The following MRGPRX3 variants were observed in gnomAD, a reference collection of about 807,000 sequenced individuals.
MRGPRX3 encodes the protein mas-related G protein-coupled receptor member X3.
A neutral mutation model predicts 16.5 loss-of-function variants in MRGPRX3; 14 were observed. That is an observed-to-expected ratio of 0.85 (90% CI 0.56 to 1.33). The LOEUF is 1.33. Ranked by LOEUF, MRGPRX3 falls within the 40% of genes most tolerant of loss-of-function variation. The pLI is 0.00. For synonymous variants in MRGPRX3, 199 were observed against 180.1 expected (o/e 1.10, Z -0.84); for missense variants, 449 against 413.0 (o/e 1.09, Z -0.76).
upstream of MRGPRX3, among the ~76,000 whole-genome samples, chr11:18,127,885 TC>T (rs200137830): frequency 9.6e-3 from 1,456 of 152,344 alleles, 30 homozygotes; most frequent in African/African-American, 0.033. Context: ...CTCTGTTTTT[TC>T]CCCATCTTTG....
intron 1 of MRGPRX3, among the ~76,000 whole-genome samples, chr11:18,124,547 C>T (rs575020207): frequency 6.6e-6 from 1 of 152,282 alleles, no homozygotes; most frequent in African/African-American, 2.4e-5. Flanking sequence ...CCCACTTGAT[C>T]ATGGTGAGTA....
intron 1 of MRGPRX3, among the ~76,000 whole-genome samples, chr11:18,136,368 G>A (rs1849007669): frequency 6.6e-6 from 1 of 152,152 alleles, no homozygotes; most frequent in African/African-American, 2.4e-5. Context: ...GCCACACTGA[G>A]TCCTTATTTT....
rs757642470 is a variant in MRGPRX3, at chr11:18,137,605, C to G, written c.403C>G (p.Pro135Ala). 3 of 1,614,186 alleles carry G rather than the reference C, an allele frequency of 1.9e-6. No individual in the cohort carries two copies. In the South Asian group the frequency reaches 3.3e-5, roughly 18 times the overall value. ...GCCCATCTGGTACCACTGCCGCCGC[C>G]CCAGATACCTGTCATCAGTCATGTG... is the stretch of plus-strand genomic sequence containing the variant. ...LWPIWYHCRR[P>A]RYLSSVMCVL... The change falls in exon 2 of 2, where the codon CCC (proline) becomes GCC (alanine). Residue 135 changes from proline (P) to alanine (A), a missense_variant. Transcript: ENST00000621697.
At chr11:18,124,287 C>T (rs1203321409) in intron 1 of MRGPRX3, among the ~76,000 whole-genome samples, 1 of 152,154 alleles carries the variant, frequency 6.6e-6, no homozygotes, top group Non-Finnish European at 1.5e-5. Context: ...GGGAAAGCTT[C>T]CAGTTTTTGC....
intron 1 of MRGPRX3, among the ~76,000 whole-genome samples, chr11:18,127,094 T>C (rs1009259467): frequency 2.0e-5 from 3 of 152,222 alleles, no homozygotes; most frequent in South Asian, 2.1e-4. Flanking sequence ...TGTTGAATAT[T>C]GGCCCCCACT....
intron 1 of MRGPRX3, among the ~76,000 whole-genome samples, chr11:18,122,103 A>G (rs1848845854): frequency 6.7e-6 from 1 of 149,092 alleles, no homozygotes; most frequent in African/African-American, 2.4e-5. Context: ...TTATGATGCA[A>G]AAAAAACTGC....
chr11:18,137,021 AC>A (rs1160801761), intron 1 of MRGPRX3, among the ~76,000 whole-genome samples, 156 bp from the exon 2 acceptor site: 2 of 152,130 alleles, frequency 1.3e-5, no homozygotes, highest in East Asian at 1.9e-4. Flanking sequence ...TGGATTTCAA[AC>A]TGGATTTGAG....
rs78408237 is a variant in MRGPRX3, at chr11:18,138,122, G to A, written c.920G>A (p.Trp307Ter). The A allele has an allele frequency of 0.069, 111,341 of 1,613,780 alleles. 4,346 individuals are homozygous for A. Among genetic ancestry groups the A allele is most frequent in the Middle Eastern group, 0.11 (642 of 6,058 alleles). The change falls in exon 2 of 2, where the codon TGG (tryptophan) becomes TAG (stop). Residue 307 changes from tryptophan (W) to a stop codon, truncating the protein, a stop_gained. Transcript: ENST00000621697. LOFTEE classifies it high-confidence loss of function. ...CCTGAGGTGGATGAAGGTGGAGGGT[G>A]GCTTCCTCAGGAAACCCTGGAGCTG... The part of the protein sequence containing the change: ...DTPEVDEGGG[W>*]LPQETLELSG...
chr11:18,137,497 A>C lies in MRGPRX3; in HGVS notation c.295A>C (p.Ser99Arg). The C allele has an allele frequency of 6.2e-7, 1 of 1,613,942 alleles. No individual in the cohort carries two copies. The highest frequency in any genetic ancestry group is 1.1e-5 in the South Asian group (1 of 91,064). ...NIRHPISKIL[S>R]PVMTFPYFIG... ...CCGCCATCCCATCTCCAAAATCCTC[A>C]GTCCTGTGATGACCTTTCCCTACTT... Residue 99 changes from serine (S) to arginine (R), a missense_variant, in exon 2 of 2, where the codon AGT (serine) becomes CGT (arginine). Transcript: ENST00000621697.
At chr11:18,136,085 A>C (rs1849005257) in intron 1 of MRGPRX3, among the ~76,000 whole-genome samples, 1 of 151,956 alleles carries the variant, frequency 6.6e-6, no homozygotes. Context: ...TCCTATTTCC[A>C]CTCATGGACT....
upstream of MRGPRX3, among the ~76,000 whole-genome samples, chr11:18,128,428 A>G (rs1053073848): frequency 3.9e-5 from 6 of 152,230 alleles, no homozygotes; most frequent in African/African-American, 1.4e-4. Context: ...GGCTTCACCC[A>G]GTTGGAGCTT....
In MRGPRX3 at chr11:18,122,055, A is replaced by AT. The variant is rs1035087838; in HGVS notation, c.-152+900dup. 1.1e-3 allele frequency among the ~76,000 whole-genome samples: 163 copies of AT among 150,916 alleles called. 3 individuals carry two copies. Among genetic ancestry groups the AT allele is most frequent in the Admixed American group, 7.9e-3 (120 of 15,172 alleles). On this transcript the variant is annotated intron_variant, in intron 1 of 2. Transcript: ENST00000396275. ...AAAAAAAAAAGAAAAATCTTTCAAG[A>AT]TTTTTTTTTGTTAGAAATAACTGTT...
Position 18,138,279 on chromosome 11 carries a change from G to C in MRGPRX3, c.*108G>C. ...CCTTCTGCCTCAGAAATGTCTCAGT[G>C]GTCCCTCAAGGTCTTCGAATAGATG... On this transcript the variant is annotated 3_prime_UTR_variant, in exon 2 of 2. Transcript: ENST00000621697. 1 of 1,489,430 alleles carries C rather than the reference G, an allele frequency of 6.7e-7. No individual in the cohort carries two copies. The highest frequency in any genetic ancestry group is 2.3e-5 in the East Asian group (1 of 43,852). 92.3% of individuals were successfully genotyped at this position (1,489,430 alleles called of 1,614,324 possible). A position where few individuals can be genotyped will look rare whatever the true frequency, so the allele number is the denominator to read the frequency against.
At chr11:18,130,696 C>CAA (rs3072496), upstream of MRGPRX3, among the ~76,000 whole-genome samples, 2,588 of 133,102 alleles carry the variant, frequency 0.019, 60 homozygotes, top group South Asian at 0.1. Flanking sequence ...GAACAACAAC[C>CAA]AAAAAAAAAA....
chr11:18,134,467 A>G (rs1236488644), intron 1 of MRGPRX3, among the ~76,000 whole-genome samples: 1 of 152,256 alleles, frequency 6.6e-6, no homozygotes, highest in Admixed American at 6.5e-5. Context: ...AGTTATTCTA[A>G]ATAACTTTAA....
intron 1 of MRGPRX3, among the ~76,000 whole-genome samples, chr11:18,135,360 G>C (rs982284625): frequency 6.6e-6 from 1 of 152,120 alleles, no homozygotes; most frequent in African/African-American, 2.4e-5. Context: ...TCTGAGTGTG[G>C]ATAACAGAGG....
upstream of MRGPRX3, among the ~76,000 whole-genome samples, chr11:18,132,158 G>A (rs1160573589): frequency 6.6e-6 from 1 of 152,186 alleles, no homozygotes; most frequent in Non-Finnish European, 1.5e-5. Flanking sequence ...GTAGCAAGTG[G>A]TAGCCTCTGG....
At chr11:18,124,429 G>T (rs1456043380) in intron 1 of MRGPRX3, among the ~76,000 whole-genome samples, 1 of 152,158 alleles carries the variant, frequency 6.6e-6, no homozygotes, top group Non-Finnish European at 1.5e-5. Flanking sequence ...GGCCTTTTCT[G>T]CATCTATTGA....
chr11:18,124,535 A>G (rs562959693), intron 1 of MRGPRX3, among the ~76,000 whole-genome samples: 6 of 152,298 alleles, frequency 3.9e-5, no homozygotes, highest in African/African-American at 1.2e-4. Context: ...CCAGGGATGA[A>G]GCCCACTTGA....
Sources: gnomAD v4.1 joint callset for allele counts (sites outside exome capture counted in the v4.1 genomes callset) on GRCh38, gnomAD v4.1.1 for gene constraint, MANE v1.5 for transcripts, NCBI Gene and HGNC (gene_info 2026-07-23, HGNC 2026-07-21) for gene names.